The following BRINP3 variants were observed in gnomAD, a reference collection of about 807,000 sequenced individuals.
BRINP3 encodes BMP/retinoic acid-inducible neural-specific protein 3.
BRINP3 carries 19 observed loss-of-function variants against 71.0 expected under a neutral mutation model. The observed-to-expected ratio is 0.27, with a 90% confidence interval of 0.19 to 0.39. The LOEUF is 0.39. BRINP3 is among the 10% of genes least tolerant of loss of function. The pLI, the probability that BRINP3 is intolerant of heterozygous loss-of-function variation, is 1.00. For missense variants in BRINP3, 959 were observed against 940.8 expected (o/e 1.02, Z -0.25); for synonymous variants, 380 against 337.7 (o/e 1.13, Z -1.37).
At chr1:190,277,278 A>C (rs1422458705) in intron 3 of BRINP3, among the ~76,000 whole-genome samples, 3 of 149,910 alleles carry the variant, frequency 2.0e-5, no homozygotes, top group African/African-American at 7.3e-5. Context: ...TGAAAACTCC[A>C]CCTCTTACTC....
chr1:190,246,110 T>C (rs116318358), intron 4 of BRINP3, among the ~76,000 whole-genome samples: 2,713 of 152,060 alleles, frequency 0.018, 77 homozygotes, highest in African/African-American at 0.062. Flanking sequence ...CTTGGGTATA[T>C]ACCCAGTAAT....
chr1:190,111,151 CG>C (rs1652637169), intron 7 of BRINP3, among the ~76,000 whole-genome samples: 2 of 126,498 alleles, frequency 1.6e-5, no homozygotes, highest in Admixed American at 9.1e-5. Flanking sequence ...GCACTCCAGC[CG>C]GGAGCCTGGG....
chr1:190,293,779 C>T (rs1664046958), intron 2 of BRINP3, among the ~76,000 whole-genome samples: 1 of 152,222 alleles, frequency 6.6e-6, no homozygotes, highest in East Asian at 1.9e-4. Flanking sequence ...GTGAACTTCG[C>T]TCACGCTTTT....
intron 2 of BRINP3, among the ~76,000 whole-genome samples, chr1:190,320,534 C>G (rs1666169991): frequency 6.6e-6 from 1 of 152,026 alleles, no homozygotes; most frequent in Non-Finnish European, 1.5e-5. Flanking sequence ...TTTATTCATT[C>G]ATTCATTCAT....
chr1:190,385,491 C>A (rs1167565041), intron 2 of BRINP3, among the ~76,000 whole-genome samples: 1 of 151,836 alleles, frequency 6.6e-6, no homozygotes, highest in Non-Finnish European at 1.5e-5. Flanking sequence ...TGCTCATCAT[C>A]ACTGGCCATC....
At chr1:190,288,422 T>A (rs1394995633) in intron 2 of BRINP3, among the ~76,000 whole-genome samples, 1 of 152,018 alleles carries the variant, frequency 6.6e-6, no homozygotes, top group East Asian at 1.9e-4. Context: ...TATTTTATTA[T>A]TTTAGATAGG....
intron 7 of BRINP3, among the ~76,000 whole-genome samples, chr1:190,105,936 T>A (rs1001998923): frequency 6.6e-6 from 1 of 151,944 alleles, no homozygotes; most frequent in Non-Finnish European, 1.5e-5. Context: ...TTACCAAAAA[T>A]AACTATATTT....
chr1:190,227,069 T>C (rs1558084850), intron 5 of BRINP3, among the ~76,000 whole-genome samples: 1 of 151,916 alleles, frequency 6.6e-6, no homozygotes, highest in Non-Finnish European at 1.5e-5. Context: ...ATTTCAAAAA[T>C]GTAGTTTTTC....
chr1:190,323,979 G>A (rs1320218069), intron 2 of BRINP3, among the ~76,000 whole-genome samples: 1 of 151,800 alleles, frequency 6.6e-6, no homozygotes, highest in Non-Finnish European at 1.5e-5. Flanking sequence ...TTACAGAGAG[G>A]AACACTAGAT....
intron 6 of BRINP3, among the ~76,000 whole-genome samples, chr1:190,199,771 G>GAAAAAAAAAAAA (rs35752025): frequency 2.4e-5 from 3 of 123,510 alleles, no homozygotes; most frequent in African/African-American, 8.9e-5. Flanking sequence ...CAAGGCATAG[G>GAAAAAAAAAAAA]AAAAAAAAAA....
intron 2 of BRINP3, among the ~76,000 whole-genome samples, chr1:190,451,030 T>C (rs938279757): frequency 2.6e-5 from 4 of 152,164 alleles, no homozygotes; most frequent in East Asian, 1.9e-4. Flanking sequence ...TATTCTCAAA[T>C]TGGAGCATTA....
intron 7 of BRINP3, among the ~76,000 whole-genome samples, chr1:190,126,071 T>C (rs918217880): frequency 2.6e-5 from 4 of 151,940 alleles, no homozygotes; most frequent in African/African-American, 9.7e-5. Flanking sequence ...TAACTTAACA[T>C]GTACCCTAAT....
chr1:190,225,009 A>G (rs769944488), intron 6 of BRINP3, among the ~76,000 whole-genome samples: 7 of 151,986 alleles, frequency 4.6e-5, no homozygotes, highest in Non-Finnish European at 1.0e-4. Context: ...GAGAAAGGGG[A>G]ACCCTTCTAC....
intron 7 of BRINP3, among the ~76,000 whole-genome samples, chr1:190,160,336 GC>G (rs1196355156): frequency 6.6e-6 from 1 of 151,796 alleles, no homozygotes; most frequent in Non-Finnish European, 1.5e-5. Flanking sequence ...TGTTTCCTAG[GC>G]TCACAATGTA....
intron 6 of BRINP3, among the ~76,000 whole-genome samples, chr1:190,184,090 A>T (rs2102545974): frequency 6.6e-6 from 1 of 152,284 alleles, no homozygotes; most frequent in South Asian, 2.1e-4. Flanking sequence ...AAGCAACAAC[A>T]AAGCTCCAAA....
rs190280701 is a variant in BRINP3, at chr1:190,123,702, C to A, written c.1185-24568G>T. Among the ~76,000 whole-genome samples the A allele has an allele frequency of 1.2e-3, 187 of 152,118 alleles. 1 individual carries two copies. The Middle Eastern group carries it at 0.014, about 11-fold the overall frequency. On this transcript the variant is annotated intron_variant, in intron 7 of 7. Coordinates refer to ENST00000367462, the MANE Select transcript of BRINP3 (RefSeq NM_199051.3). ...CTAAATTGTTTCCTAAATGAATAAC[C>A]ATATCATTCAGCCAAAAGGAAAAAC... is the stretch of plus-strand genomic sequence containing the variant.
chr1:190,127,681 G>A (rs1654201291), intron 7 of BRINP3, among the ~76,000 whole-genome samples: 1 of 151,832 alleles, frequency 6.6e-6, no homozygotes, highest in Non-Finnish European at 1.5e-5. Context: ...ACTTCTGGAA[G>A]AAAGACTTAG....
chr1:190,386,527 T>G (rs1670923018), intron 2 of BRINP3, among the ~76,000 whole-genome samples: 1 of 151,994 alleles, frequency 6.6e-6, no homozygotes, highest in African/African-American at 2.4e-5. Context: ...TAATTCTCTT[T>G]AAATCTCTGT....
At chr1:190,218,926 G>A (rs1487459728) in intron 6 of BRINP3, among the ~76,000 whole-genome samples, 1 of 151,994 alleles carries the variant, frequency 6.6e-6, no homozygotes, top group Non-Finnish European at 1.5e-5. Context: ...TTTTGTTGAA[G>A]CCATCATTGT....
Sources: allele counts gnomAD v4.1 joint callset (sites outside exome capture counted in the v4.1 genomes callset), GRCh38; gene constraint gnomAD v4.1.1; transcripts MANE v1.5; gene names NCBI Gene and HGNC (gene_info 2026-07-23, HGNC 2026-07-21).